SIMC1: variants seen among roughly 807,000 people sequenced by gnomAD.
SIMC1 encodes the protein SUMO-interacting motif-containing protein 1.
Under a neutral mutation model 82.3 loss-of-function variants are expected in SIMC1, and 55 were observed. The ratio of observed to expected loss-of-function variants is 0.67; its 90% CI spans 0.54 to 0.84. The LOEUF is 0.84. Ranked by LOEUF, SIMC1 falls within the 40% of genes least tolerant of loss-of-function variation. The probability of loss-of-function intolerance (pLI) is 0.00; values close to 1 mark genes in which losing one functional copy is unlikely to be tolerated. For missense variants in SIMC1, 915 were observed against 1,107.2 expected (o/e 0.83, Z 2.46); for synonymous variants, 353 against 426.3 (o/e 0.83, Z 2.12).
chr5:176,332,403 G>A lies in SIMC1; in HGVS notation c.2172-4317G>A, dbSNP rs7736768. ...CCTCCCGGGTTCAAGAGATTCTCCT[G>A]CCTCAGCCTCCCAAGTAGCTGGGAT... On this transcript the variant is annotated intron_variant, in intron 7 of 9. Transcript: ENST00000429602. Among the ~76,000 whole-genome samples, 181 of 152,218 alleles carry A rather than the reference G, an allele frequency of 1.2e-3. 1 individual carries two copies. Among genetic ancestry groups the A allele is most frequent in the African/African-American group, 4.1e-3 (170 of 41,538 alleles).
At chr5:176,293,869 T>C (rs180767886) in intron 2 of SIMC1, among the ~76,000 whole-genome samples, 1 of 152,096 alleles carries the variant, frequency 6.6e-6, no homozygotes, top group South Asian at 2.1e-4. Flanking sequence ...TTGAAAAATA[T>C]AGAAGAGCAC....
intron 7 of SIMC1, among the ~76,000 whole-genome samples, chr5:176,334,152 A>T (rs1765787648): frequency 6.6e-6 from 1 of 152,046 alleles, no homozygotes; most frequent in Non-Finnish European, 1.5e-5. Flanking sequence ...TTCTATGGAC[A>T]TTTGCTCCTG....
intron 9 of SIMC1, 146 bp from the exon 10 acceptor site, chr5:176,345,037 A>T: frequency 2.1e-6 from 2 of 943,664 alleles, no homozygotes; most frequent in Non-Finnish European, 3.1e-6. Context: ...AAGTGGAGTT[A>T]CTGCAGGCAC....
intron 7 of SIMC1, among the ~76,000 whole-genome samples, chr5:176,333,386 T>A (rs1436631119): frequency 6.6e-6 from 1 of 152,184 alleles, no homozygotes; most frequent in Non-Finnish European, 1.5e-5. Flanking sequence ...TCACTCAGCA[T>A]AATTCCCTGG....
intron 1 of SIMC1, among the ~76,000 whole-genome samples, chr5:176,242,201 G>A (rs913938103): frequency 6.6e-6 from 1 of 152,000 alleles, no homozygotes; most frequent in Non-Finnish European, 1.5e-5. Context: ...TGTGGTAGTA[G>A]GACATTATTA....
chr5:176,338,083 G>A (rs60173782), intron 9 of SIMC1, among the ~76,000 whole-genome samples: 2,636 of 152,238 alleles, frequency 0.017, 83 homozygotes, highest in African/African-American at 0.059. Context: ...TGTGATTGAC[G>A]GAGAAGGATG....
intron 9 of SIMC1, among the ~76,000 whole-genome samples, chr5:176,340,328 A>G (rs1283534764): frequency 6.6e-6 from 1 of 152,186 alleles, no homozygotes; most frequent in Non-Finnish European, 1.5e-5. Context: ...CCCCAGTTGC[A>G]TAGCCATGTG....
intron 9 of SIMC1, among the ~76,000 whole-genome samples, chr5:176,338,278 C>A (rs925324852): frequency 6.6e-6 from 1 of 152,060 alleles, no homozygotes; most frequent in Non-Finnish European, 1.5e-5. Context: ...GAAACTAAAG[C>A]ACATAAATAC....
At chr5:176,252,305 GGAGACGCTCCGGGCA>G (rs1761695844) in intron 1 of SIMC1, among the ~76,000 whole-genome samples, 1 of 151,904 alleles carries the variant, frequency 6.6e-6, no homozygotes, top group Non-Finnish European at 1.5e-5. Flanking sequence ...GCTGCCGGGC[GGAGACGCTCCGGGCA>G]GAGACGCTCC....
chr5:176,271,070 G>T (rs2113176191), intron 1 of SIMC1, among the ~76,000 whole-genome samples: 1 of 152,294 alleles, frequency 6.6e-6, no homozygotes, highest in South Asian at 2.1e-4. Context: ...GGAGGAGAGG[G>T]AAGAGTAAAG....
chr5:176,311,964 A>G (rs1436682686), intron 4 of SIMC1, among the ~76,000 whole-genome samples: 1 of 152,206 alleles, frequency 6.6e-6, no homozygotes, highest in Non-Finnish European at 1.5e-5. Context: ...ATCTTCCAAA[A>G]TGGGGAGTCA....
At chr5:176,300,315 A>C (rs112625874) in intron 4 of SIMC1, among the ~76,000 whole-genome samples, 3 of 152,146 alleles carry the variant, frequency 2.0e-5, no homozygotes, top group Non-Finnish European at 4.4e-5. Context: ...TGGGGTTTTT[A>C]AACATTTCAT....
intron 1 of SIMC1, among the ~76,000 whole-genome samples, chr5:176,279,574 A>C (rs1373284178): frequency 5.7e-4 from 85 of 149,054 alleles, no homozygotes; most frequent in Admixed American, 3.0e-3. Context: ...TTAGGGTGTC[A>C]ATTTTGGATC....
chr5:176,287,848 T>C (rs1763365954), intron 1 of SIMC1, among the ~76,000 whole-genome samples: 1 of 152,040 alleles, frequency 6.6e-6, no homozygotes, highest in Non-Finnish European at 1.5e-5. Flanking sequence ...GAAAATGAAA[T>C]AAAAATACAT....
At chr5:176,322,182 A>T (rs1318142389) in intron 5 of SIMC1, 91 bp from the exon 6 acceptor site, 1 of 1,428,082 alleles carries the variant, frequency 7.0e-7, no homozygotes, top group Non-Finnish European at 9.3e-7. Context: ...CACCATAAAT[A>T]CAACAGACAT....
At chr5:176,253,080 A>G (rs960999740) in intron 1 of SIMC1, among the ~76,000 whole-genome samples, 3 of 152,206 alleles carry the variant, frequency 2.0e-5, no homozygotes, top group Non-Finnish European at 2.9e-5. Context: ...GTGAGCCGAG[A>G]TGGCAGCAGT....
At chr5:176,317,682 T>A (rs1280957588) in intron 5 of SIMC1, among the ~76,000 whole-genome samples, 2 of 152,218 alleles carry the variant, frequency 1.3e-5, no homozygotes, top group African/African-American at 4.8e-5. Context: ...AGAATTTTAC[T>A]AAGTACTAAA....
chr5:176,272,043 A>T (rs1762459413), intron 1 of SIMC1, among the ~76,000 whole-genome samples: 1 of 146,510 alleles, frequency 6.8e-6, no homozygotes, highest in Non-Finnish European at 1.5e-5. Flanking sequence ...CAGTTATAAA[A>T]ATTAGAAAAA....
intron 4 of SIMC1, among the ~76,000 whole-genome samples, chr5:176,305,761 G>A (rs1474251313): frequency 1.1e-4 from 6 of 54,446 alleles, no homozygotes; most frequent in Admixed American, 9.4e-4. Flanking sequence ...GAGGTGAGGG[G>A]GTCAGCCCCC....
Sources: gnomAD v4.1 joint callset for allele counts (sites outside exome capture counted in the v4.1 genomes callset) on GRCh38, gnomAD v4.1.1 for gene constraint, MANE v1.5 for transcripts, NCBI Gene and HGNC (gene_info 2026-07-23, HGNC 2026-07-21) for gene names.